PCSK2: variants seen among roughly 807,000 people sequenced by gnomAD.
The protein encoded by PCSK2 is proprotein convertase subtilisin/kexin type 2, also known as neuroendocrine convertase 2.
A neutral mutation model predicts 69.7 loss-of-function variants in PCSK2; 14 were observed. That is an observed-to-expected ratio of 0.20 (90% CI 0.13 to 0.31). PCSK2 has a LOEUF of 0.31. Ranked by LOEUF, PCSK2 falls within the 10% of genes least tolerant of loss-of-function variation. PCSK2 has a pLI of 1.00. For missense variants in PCSK2, 544 were observed against 842.5 expected, an observed-to-expected ratio of 0.65 and a Z score of 4.39; for synonymous variants, 307 against 320.7, an observed-to-expected ratio of 0.96 and a Z score of 0.46.
chr20:17,427,298 T>A (rs1438075494), intron 6 of PCSK2, among the ~76,000 whole-genome samples: 1 of 152,172 alleles, frequency 6.6e-6, no homozygotes, highest in Non-Finnish European at 1.5e-5. Context: ...TGCTTTTGGC[T>A]GGAAAAACTA....
chr20:17,378,827 A>G (rs2031008497), intron 5 of PCSK2, among the ~76,000 whole-genome samples: 1 of 152,246 alleles, frequency 6.6e-6, no homozygotes, highest in Non-Finnish European at 1.5e-5. Context: ...ATAAGCCACA[A>G]GAAAGTCATT....
chr20:17,429,635 T>C, intron 7 of PCSK2, 112 bp downstream of exon 7: 1 of 710,648 alleles, frequency 1.4e-6, no homozygotes, highest in Non-Finnish European at 2.3e-6. Context: ...ATCCACAGAT[T>C]TGGCACAAGT....
At chr20:17,405,931 C>T (rs891917921) in intron 5 of PCSK2, among the ~76,000 whole-genome samples, 3 of 152,164 alleles carry the variant, frequency 2.0e-5, no homozygotes, top group Admixed American at 6.5e-5. Context: ...AATTCAAGTT[C>T]TTAATGATGA....
At chr20:17,279,643 T>C (rs1988228770) in intron 2 of PCSK2, among the ~76,000 whole-genome samples, 1 of 152,108 alleles carries the variant, frequency 6.6e-6, no homozygotes, top group Non-Finnish European at 1.5e-5. Context: ...CTGTCTCTAC[T>C]GGGCATAGTG....
intron 2 of PCSK2, among the ~76,000 whole-genome samples, chr20:17,291,018 TC>T (rs1303264488): frequency 6.6e-5 from 10 of 152,032 alleles, no homozygotes. Context: ...CTCTTAAAGT[TC>T]CCACCTCTTA....
At chr20:17,460,226 TAAAA>T (rs1298049076) in intron 10 of PCSK2, among the ~76,000 whole-genome samples, 1 of 129,390 alleles carries the variant, frequency 7.7e-6, no homozygotes, top group South Asian at 2.5e-4. Flanking sequence ...AATAAACAAA[TAAAA>T]GAGAGAGAGA....
intron 8 of PCSK2, among the ~76,000 whole-genome samples, chr20:17,443,714 C>T (rs2032642089): frequency 6.6e-6 from 1 of 152,198 alleles, no homozygotes; most frequent in Non-Finnish European, 1.5e-5. Context: ...CACTTCTCCA[C>T]TGCCTCTCGA....
At chr20:17,466,500 G>T (rs979587761) in intron 11 of PCSK2, among the ~76,000 whole-genome samples, 4 of 152,088 alleles carry the variant, frequency 2.6e-5, no homozygotes, top group African/African-American at 7.2e-5. Flanking sequence ...AGGGATTTGT[G>T]TATGGGGTTC....
chr20:17,384,425 CAAA>C (rs11478291), intron 5 of PCSK2, among the ~76,000 whole-genome samples: 3 of 106,544 alleles, frequency 2.8e-5, no homozygotes, highest in Non-Finnish European at 1.8e-5. Context: ...CCATATCTAC[CAAA>C]AAAAAAAAAA....
At chr20:17,285,031 A>G (rs750741986) in intron 2 of PCSK2, among the ~76,000 whole-genome samples, 20 of 152,208 alleles carry the variant, frequency 1.3e-4, no homozygotes, top group Non-Finnish European at 2.4e-4. Flanking sequence ...TCTTATCTAT[A>G]GGAACAATGG....
At chr20:17,325,411 A>G (rs186912439) in intron 2 of PCSK2, among the ~76,000 whole-genome samples, 6 of 152,366 alleles carry the variant, frequency 3.9e-5, no homozygotes, top group African/African-American at 1.4e-4. Context: ...TTCAATGAGA[A>G]AGATGTTCTC....
At chr20:17,388,473 G>A (rs34858258) in intron 5 of PCSK2, among the ~76,000 whole-genome samples, 13,040 of 152,100 alleles carry the variant, frequency 0.086, 669 homozygotes, top group Non-Finnish European at 0.12. Flanking sequence ...AACTTCAGAG[G>A]TGCTCCCTAA....
intron 2 of PCSK2, among the ~76,000 whole-genome samples, chr20:17,353,091 A>T (rs2030048821): frequency 6.6e-6 from 1 of 152,200 alleles, no homozygotes; most frequent in Non-Finnish European, 1.5e-5. Flanking sequence ...AATACTCAAT[A>T]TCACTAATCA....
At chr20:17,245,003 C>A (rs970925349) in intron 1 of PCSK2, among the ~76,000 whole-genome samples, 2 of 152,138 alleles carry the variant, frequency 1.3e-5, no homozygotes, top group African/African-American at 4.8e-5. Context: ...TGGGTGTGGG[C>A]AGATTCTTCC....
chr20:17,286,317 GTC>G (rs1325394005), intron 2 of PCSK2, among the ~76,000 whole-genome samples: 2 of 152,304 alleles, frequency 1.3e-5, no homozygotes, highest in East Asian at 3.9e-4. Context: ...AAACCCAGAT[GTC>G]TCTTGAATAA....
intron 2 of PCSK2, among the ~76,000 whole-genome samples, chr20:17,278,111 C>T (rs980005436): frequency 1.6e-4 from 25 of 152,194 alleles, no homozygotes; most frequent in Non-Finnish European, 3.4e-4. Context: ...AACACTTTTA[C>T]ACAGTTCATG....
At position 17,453,722 on chromosome 20, in the gene PCSK2, G is replaced by GTCTC; in HGVS notation, c.886-19_886-16dup. On this transcript the variant is annotated intron_variant, in intron 8 of 11. Coordinates refer to ENST00000262545, the MANE Select transcript of PCSK2 (RefSeq NM_002594.5). The surrounding 1 kb of genome is among the most constrained non-coding windows in gnomAD (Gnocchi z 4.0). ...AGCCCAGGCTGTGGGTAGCGGCAGC[G>GTCTC]TCTCCCCTGCTCTCCCCAGGGCCGC... 6.2e-7 allele frequency: 1 copy of GTCTC among 1,610,636 alleles called. No homozygotes were observed. The highest frequency in any genetic ancestry group is 8.5e-7 in the Non-Finnish European group (1 of 1,179,292).
intron 1 of PCSK2, among the ~76,000 whole-genome samples, chr20:17,236,701 A>T (rs1029136736): frequency 3.3e-5 from 5 of 152,092 alleles, no homozygotes; most frequent in African/African-American, 9.7e-5. Context: ...TCATCTTTTG[A>T]GTAGCTAGGT....
At chr20:17,363,935 C>T (rs1415868398) in intron 4 of PCSK2, among the ~76,000 whole-genome samples, 1 of 152,120 alleles carries the variant, frequency 6.6e-6, no homozygotes, top group African/African-American at 2.4e-5. Context: ...TTCTAACCAC[C>T]ATTCTTGGTA....
Sources: allele counts gnomAD v4.1 joint callset (sites outside exome capture counted in the v4.1 genomes callset), GRCh38; gene constraint gnomAD v4.1.1; non-coding constraint Gnocchi (gnomAD v3.1); transcripts MANE v1.5; gene names NCBI Gene and HGNC (gene_info 2026-07-23, HGNC 2026-07-21).